Variants in SYT7 observed in about 807,000 individuals in gnomAD.
SYT7 encodes synaptotagmin-7.
SYT7 carries 29 observed loss-of-function variants against 75.1 expected under a neutral mutation model. The ratio of observed to expected loss-of-function variants is 0.39; its 90% CI spans 0.29 to 0.53. The LOEUF is 0.53. Ranked by LOEUF, SYT7 falls within the 20% of genes least tolerant of loss-of-function variation. The pLI, the probability that SYT7 is intolerant of heterozygous loss-of-function variation, is 0.77. For synonymous variants in SYT7, 376 were observed against 401.7 expected, an observed-to-expected ratio of 0.94 and a Z score of 0.76; for missense variants, 693 against 953.2, an observed-to-expected ratio of 0.73 and a Z score of 3.59.
Position 61,514,062 on chromosome 11 carries a change from G to A in SYT7, c.*4565C>T, listed in dbSNP as rs1258981974. On this transcript the variant is annotated 3_prime_UTR_variant, in exon 13 of 13. Transcript: ENST00000539008. ...GGCGGTGGTCCCAGGTACAGGGAGG[G>A]GTGGGGGAGCATCTCAGAGCAGGCA... Among the ~76,000 whole-genome samples, 1 of 151,990 alleles carries A rather than the reference G, an allele frequency of 6.6e-6. No individual in the cohort carries two copies. Among genetic ancestry groups the A allele is most frequent in the Non-Finnish European group, 1.5e-5 (1 of 67,990 alleles).
chr11:61,561,186 T>A (rs2063627913), intron 1 of SYT7, among the ~76,000 whole-genome samples: 1 of 152,118 alleles, frequency 6.6e-6, no homozygotes, highest in Non-Finnish European at 1.5e-5. Flanking sequence ...CAGGGTTGAG[T>A]GCCACAACCT....
intron 7 of SYT7, among the ~76,000 whole-genome samples, chr11:61,534,326 C>T (rs1378824419): frequency 6.6e-6 from 1 of 152,172 alleles, no homozygotes; most frequent in East Asian, 1.9e-4. Flanking sequence ...TATGCCAGGC[C>T]CTGGAGGGGA....
In SYT7 at chr11:61,538,389, AAGAG is replaced by A. The variant is rs1390251572; in HGVS notation, c.942-127_942-124del. On this transcript the variant is annotated intron_variant, in intron 6 of 12. Transcript: ENST00000539008. ...AGAGAGAGAGAGAGAGAGAGAGAGA[AAGAG>A]AGAGAGAGAGACAGAGACAAAGAGA... 1.5e-3 allele frequency: 397 copies of A among 267,802 alleles called. 4 individuals carry two copies. Among genetic ancestry groups the A allele is most frequent in the African/African-American group, 0.013 (362 of 28,862 alleles). The allele number at this position is 267,802 out of a possible 1,614,324, so 16.6% of individuals were successfully genotyped here.
At chr11:61,562,213 TA>T (rs1178583502) in intron 1 of SYT7, among the ~76,000 whole-genome samples, 1 of 152,168 alleles carries the variant, frequency 6.6e-6, no homozygotes, top group Non-Finnish European at 1.5e-5. Context: ...CAGTGGGAAT[TA>T]ATTTCTCCTG....
chr11:61,574,649 A>G (rs2064018811), intron 1 of SYT7, among the ~76,000 whole-genome samples: 1 of 151,338 alleles, frequency 6.6e-6, no homozygotes, highest in Non-Finnish European at 1.5e-5. Flanking sequence ...GATGGTAAGG[A>G]GGTGTGCAGG....
Position 61,580,054 on chromosome 11 carries a change from G to C in SYT7, c.31+736C>G, listed in dbSNP as rs772572474. 1.4e-4 allele frequency among the ~76,000 whole-genome samples: 21 copies of C among 152,134 alleles called. No homozygotes were observed. Among genetic ancestry groups the C allele is most frequent in the Non-Finnish European group, 2.9e-4 (20 of 67,996 alleles). ...ATACCAAGCAGACAGTGGGCTCCCA[G>C]GCCACTCCCCTGGCGGGCGAAGCAG... On this transcript the variant is annotated intron_variant, in intron 1 of 12. Transcript: ENST00000539008. This position sits in a 1 kb window ranked among gnomAD's most constrained non-coding sequence, Gnocchi z 6.1.
Position 61,520,644 on chromosome 11 carries a change from G to A in SYT7, c.1957-1913C>T, listed in dbSNP as rs1463817198. Reference sequence around the variant, plus strand: ...GTTCAACCAGCCTGGCCAACATGGTGAAACCCCATCTCTACTAAAAATACA... The same window carrying A: ...GTTCAACCAGCCTGGCCAACATGGTAAAACCCCATCTCTACTAAAAATACA... On this transcript the variant is annotated intron_variant, in intron 12 of 12. Coordinates refer to ENST00000539008, the MANE Select transcript of SYT7 (RefSeq NM_001365809.2). 2.0e-5 allele frequency among the ~76,000 whole-genome samples: 3 copies of A among 152,054 alleles called. 1 individual carries two copies. Among genetic ancestry groups the A allele is most frequent in the Admixed American group, 2.0e-4 (3 of 15,284 alleles).
intron 1 of SYT7, among the ~76,000 whole-genome samples, chr11:61,577,395 G>A (rs965841500): frequency 2.0e-5 from 3 of 152,222 alleles, no homozygotes; most frequent in African/African-American, 4.8e-5. Context: ...TAGGTGGGAG[G>A]AGAGAGGTTG....
At chr11:61,587,278 G>T in the SYT7 span, among the ~76,000 whole-genome samples, 1 of 152,146 alleles carries the variant, frequency 6.6e-6, no homozygotes, top group South Asian at 2.1e-4. Context: ...GTCAAGCCCC[G>T]CTCCTCTCAG....
chr11:61,549,922 T>A (rs1487588457), intron 3 of SYT7, among the ~76,000 whole-genome samples: 1 of 151,952 alleles, frequency 6.6e-6, no homozygotes, highest in Non-Finnish European at 1.5e-5. Context: ...CACGCACCCC[T>A]ATCCAGGAAG....
In SYT7 at chr11:61,542,694, G is replaced by T; in HGVS notation, c.573-115C>A. On this transcript the variant is annotated intron_variant, in intron 5 of 12. Transcript: ENST00000539008. This position sits in a 1 kb window ranked among gnomAD's most constrained non-coding sequence, Gnocchi z 7.8. ...GCCCCAGTGCAGGGTGCGCGCTGCC[G>T]GACCTCGCCAGGCCTCCATCGGAGC... 1 of 1,383,536 alleles carries T rather than the reference G, an allele frequency of 7.2e-7. No individual in the cohort carries two copies. 85.7% of individuals were successfully genotyped at this position (1,383,536 alleles called of 1,614,324 possible).
rs113932242 is a variant in SYT7, at chr11:61,541,290, C to G, written c.941+921G>C. ...GAAGACCTGGGCGATGGGAACAATC[C>G]CCAGGGCCTGGAAGGAAGCTCACGT... On this transcript the variant is annotated intron_variant, in intron 6 of 12. Coordinates refer to ENST00000539008, the MANE Select transcript of SYT7 (RefSeq NM_001365809.2). The G allele has an allele frequency of 1.3e-4, 126 of 985,482 alleles. No homozygotes were observed. In the African/African-American group the frequency reaches 2.1e-3, roughly 17 times the overall value. 61.0% of individuals were successfully genotyped at this position (985,482 alleles called of 1,614,324 possible).
rs1171758477 is a variant in SYT7 at position 61,533,121 on chromosome 11, C to A, written c.1068G>T (p.Leu356Phe). The A allele has an allele frequency of 1.9e-6, 3 of 1,594,906 alleles. No individual in the cohort carries two copies. The highest frequency in any genetic ancestry group is 2.6e-6 in the Non-Finnish European group (3 of 1,171,032). The part of the protein sequence containing the change: ...QNQNAQGDKR[L>F]PAGGKAVNTA... ...TGTTCACCGCCTTCCCTCCTGCAGG[C>A]AACCTGAGGGCAGGGGAGTCCAAAT... is the stretch of plus-strand genomic sequence containing the variant. Residue 356 changes from leucine (L) to phenylalanine (F), a missense_variant, in exon 8 of 13, where the codon TTG (leucine) becomes TTT (phenylalanine). Physicochemically the swap from Leu to Phe is conservative, Grantham distance 22. Around this residue, in one of 2 missense-constraint regions of SYT7, gnomAD observed 487 missense variants for 593.2 expected, o/e 0.82. Coordinates refer to ENST00000539008, the MANE Select transcript of SYT7 (RefSeq NM_001365809.2).
At chr11:61,526,942 C>A (rs1260783436) in intron 9 of SYT7, among the ~76,000 whole-genome samples, 1 of 152,104 alleles carries the variant, frequency 6.6e-6, no homozygotes, top group Non-Finnish European at 1.5e-5. Flanking sequence ...AAGGCTAGGG[C>A]TTGGGGCAGC....
At position 61,518,523 on chromosome 11, in the gene SYT7, T is replaced by C; in HGVS notation, c.*104A>G. On this transcript the variant is annotated 3_prime_UTR_variant, in exon 13 of 13. Coordinates refer to ENST00000539008, the MANE Select transcript of SYT7 (RefSeq NM_001365809.2). ...CTCCCTGGCTGAGCCCTCAGGGTCCTCCCCTCCCTATGGCAGGGGGCTCAG... is the reference window on the plus strand; with the variant it reads ...CTCCCTGGCTGAGCCCTCAGGGTCCCCCCCTCCCTATGGCAGGGGGCTCAG... 2 of 782,618 alleles carry C rather than the reference T, an allele frequency of 2.6e-6. No homozygotes were observed. The highest frequency in any genetic ancestry group is 1.9e-6 in the Non-Finnish European group (1 of 519,364). The allele number at this position is 782,618 out of a possible 1,614,324, so 48.5% of individuals were successfully genotyped here.
intron 1 of SYT7, among the ~76,000 whole-genome samples, chr11:61,571,166 C>T (rs1000629722): frequency 1.3e-5 from 2 of 152,194 alleles, no homozygotes; most frequent in Admixed American, 1.3e-4. Context: ...CCTAAGAACC[C>T]TCTCAGCCCC....
intron 8 of SYT7, 47 bp downstream of exon 8, chr11:61,532,942 C>A (rs1289197991): frequency 4.4e-6 from 7 of 1,604,526 alleles, no homozygotes; most frequent in Non-Finnish European, 5.9e-6. Context: ...CTGCCCCTGG[C>A]CTCCCAGCCC....
chr11:61,570,197 T>C (rs1225860312), intron 1 of SYT7, among the ~76,000 whole-genome samples: 1 of 152,220 alleles, frequency 6.6e-6, no homozygotes, highest in Non-Finnish European at 1.5e-5. Context: ...TAAGTCCTAC[T>C]GGTGGGTCCT....
At chr11:61,575,050 C>T (rs530948822) in intron 1 of SYT7, among the ~76,000 whole-genome samples, 160 of 151,998 alleles carry the variant, frequency 1.1e-3, no homozygotes, top group Non-Finnish European at 2.4e-4. Flanking sequence ...AGGTAGGCAC[C>T]GTTCCTCTCT....
Sources: gnomAD v4.1 joint callset for allele counts (sites outside exome capture counted in the v4.1 genomes callset) on GRCh38, gnomAD v4.1.1 for gene constraint, gnomAD v4.1.1 regional missense constraint, Gnocchi (gnomAD v3.1) non-coding constraint, MANE v1.5 for transcripts, NCBI Gene and HGNC (gene_info 2026-07-23, HGNC 2026-07-21) for gene names.